Variants in MAD1L1 observed in about 807,000 individuals in gnomAD.
The protein encoded by MAD1L1 is mitotic spindle assembly checkpoint protein MAD1.
MAD1L1 carries 95 observed loss-of-function variants against 96.9 expected under a neutral mutation model. The ratio of observed to expected loss-of-function variants is 0.98; its 90% CI spans 0.83 to 1.16. The LOEUF is 1.16. MAD1L1 is among the 50% of genes most tolerant of loss of function. The pLI is 0.00. For synonymous variants in MAD1L1, 473 were observed against 396.6 expected (o/e 1.19, Z -2.29); for missense variants, 1,007 against 954.4 (o/e 1.06, Z -0.73).
At chr7:2,223,841 C>G (rs992617838) in intron 4 of MAD1L1, among the ~76,000 whole-genome samples, 1 of 78,256 alleles carries the variant, frequency 1.3e-5, no homozygotes, top group Non-Finnish European at 2.4e-5. Context: ...ACACTTAAGT[C>G]TCGCCCCTAA....
chr7:2,088,159 T>C lies in MAD1L1; in HGVS notation c.1074-18821A>G, dbSNP rs1201381514. ...GTGGAAATATGGGGGCCCACGTGCA[T>C]GGCCACAGAACAGTGGACGAGGTCG... On this transcript the variant is annotated intron_variant, in intron 11 of 18. Transcript: ENST00000265854. This position sits in a 1 kb window ranked among gnomAD's most constrained non-coding sequence, Gnocchi z 4.4. 6.6e-6 allele frequency among the ~76,000 whole-genome samples: 1 copy of C among 152,156 alleles called. No homozygotes were observed. Among genetic ancestry groups the C allele is most frequent in the Non-Finnish European group, 1.5e-5 (1 of 68,026 alleles).
intron 18 of MAD1L1, among the ~76,000 whole-genome samples, chr7:1,824,335 G>A (rs1367767348): frequency 7.4e-6 from 1 of 134,240 alleles, no homozygotes; most frequent in Non-Finnish European, 1.7e-5. Context: ...GCGTGACCCT[G>A]GGCACACCGA....
chr7:2,060,189 C>A (rs560396019), intron 12 of MAD1L1, among the ~76,000 whole-genome samples: 1 of 143,094 alleles, frequency 7.0e-6, no homozygotes, highest in African/African-American at 2.7e-5. Context: ...CGAGATACAC[C>A]GATGCCAAGA....
intron 15 of MAD1L1, among the ~76,000 whole-genome samples, chr7:1,974,930 G>A (rs934256039): frequency 1.3e-5 from 2 of 152,240 alleles, no homozygotes; most frequent in Non-Finnish European, 2.9e-5. Flanking sequence ...CAGGCAGGCA[G>A]GGCCCTGAGG....
chr7:2,048,692 A>G (rs1181336318), intron 12 of MAD1L1, among the ~76,000 whole-genome samples: 1 of 152,262 alleles, frequency 6.6e-6, no homozygotes, highest in Non-Finnish European at 1.5e-5. Flanking sequence ...ACCTCCTCCA[A>G]GACGAATGCA....
chr7:1,957,951 C>A (rs562638569), intron 15 of MAD1L1, among the ~76,000 whole-genome samples: 1 of 152,292 alleles, frequency 6.6e-6, no homozygotes, highest in South Asian at 2.1e-4. Flanking sequence ...GCTGGAGGAG[C>A]CTGTGCGGAG....
intron 18 of MAD1L1, among the ~76,000 whole-genome samples, chr7:1,861,139 C>T (rs1018609424): frequency 6.6e-6 from 1 of 152,174 alleles, no homozygotes. Context: ...CATATTCAAA[C>T]CACAACCACC....
chr7:1,839,741 C>G (rs907822763), intron 18 of MAD1L1, among the ~76,000 whole-genome samples: 63 of 152,096 alleles, frequency 4.1e-4, no homozygotes, highest in Admixed American at 2.0e-3. Context: ...ACATCCCCCC[C>G]GCCTCCCCCC....
intron 18 of MAD1L1, among the ~76,000 whole-genome samples, chr7:1,888,759 A>ATG (rs150222994): frequency 2.7e-5 from 4 of 150,780 alleles, no homozygotes; most frequent in African/African-American, 4.9e-5. Flanking sequence ...GTGAGCATGC[A>ATG]TGTGTGTGTG....
At chr7:2,066,886 G>A (rs906767944) in intron 12 of MAD1L1, among the ~76,000 whole-genome samples, 1 of 152,234 alleles carries the variant, frequency 6.6e-6, no homozygotes, top group African/African-American at 2.4e-5. Flanking sequence ...GACCTGTCAA[G>A]GGAACTCTGC....
Position 2,191,930 on chromosome 7 carries a change from C to T in MAD1L1, c.986+21282G>A, listed in dbSNP as rs187737880. 1.0e-3 allele frequency among the ~76,000 whole-genome samples: 154 copies of T among 151,776 alleles called. 1 individual carries two copies. The highest frequency in any genetic ancestry group is 3.3e-3 in the African/African-American group (138 of 41,352). On this transcript the variant is annotated intron_variant, in intron 10 of 18. Transcript: ENST00000265854. ...CCTGTAATCTCAGCTACTCGGGAGG[C>T]TGAGGCGGAAGAATTGCTTGAACCC...
At chr7:2,108,417 T>G (rs1251100493) in intron 11 of MAD1L1, among the ~76,000 whole-genome samples, 1 of 152,264 alleles carries the variant, frequency 6.6e-6, no homozygotes. Context: ...CTTTTTTAGT[T>G]TAAAACTTTA....
Position 2,138,545 on chromosome 7 carries a change from C to T in MAD1L1, c.1073+10607G>A, listed in dbSNP as rs535342325. 3.3e-5 allele frequency among the ~76,000 whole-genome samples: 5 copies of T among 152,330 alleles called. No homozygotes were observed. The South Asian group carries it at 8.3e-4, about 25-fold the overall frequency. On this transcript the variant is annotated intron_variant, in intron 11 of 18. Coordinates refer to ENST00000265854, the MANE Select transcript of MAD1L1 (RefSeq NM_001013836.2). ...GGGGATTGGGGGCATGAATGCCAGACGCACACTTCCGGCTTGTTAGGAGAA... is the reference window on the plus strand; with the variant it reads ...GGGGATTGGGGGCATGAATGCCAGATGCACACTTCCGGCTTGTTAGGAGAA...
At chr7:1,943,589 G>A (rs150695437) in intron 16 of MAD1L1, among the ~76,000 whole-genome samples, 1 of 152,234 alleles carries the variant, frequency 6.6e-6, no homozygotes, top group Non-Finnish European at 1.5e-5. Flanking sequence ...GCGCCCCCAG[G>A]ACGGCTGGGA....
At chr7:1,873,685 T>C (rs1005901189) in intron 18 of MAD1L1, among the ~76,000 whole-genome samples, 4 of 151,912 alleles carry the variant, frequency 2.6e-5, no homozygotes, top group African/African-American at 7.3e-5. Context: ...CCGACCACCA[T>C]GGGGGAGTGG....
intron 11 of MAD1L1, among the ~76,000 whole-genome samples, chr7:2,093,477 G>A (rs562692705): frequency 2.6e-5 from 4 of 152,192 alleles, no homozygotes; most frequent in Non-Finnish European, 5.9e-5. Context: ...CTTTCCCTGG[G>A]AAGAGGGACG....
chr7:1,815,979 A>G lies in MAD1L1; in HGVS notation c.*91T>C. On this transcript the variant is annotated 3_prime_UTR_variant, in exon 19 of 19. Transcript: ENST00000265854. ...TGCTGCCCTGTGGGGCTGGAGAGGC[A>G]GGACGTGCACCCAGCCTGTGGCTGG... 7.2e-7 allele frequency: 1 copy of G among 1,390,206 alleles called. No individual in the cohort carries two copies. Among genetic ancestry groups the G allele is most frequent in the South Asian group, 1.4e-5 (1 of 71,696 alleles). The allele number at this position is 1,390,206 out of a possible 1,614,324, so 86.1% of individuals were successfully genotyped here.
intron 12 of MAD1L1, among the ~76,000 whole-genome samples, chr7:2,023,114 A>C (rs1782855571): frequency 6.6e-6 from 1 of 152,226 alleles, no homozygotes; most frequent in Non-Finnish European, 1.5e-5. Context: ...CCCTCTTATC[A>C]GAAACGGACA....
chr7:2,209,685 C>T (rs991228845), intron 10 of MAD1L1, among the ~76,000 whole-genome samples: 27 of 152,328 alleles, frequency 1.8e-4, no homozygotes, highest in East Asian at 5.8e-4. Context: ...TCCACACCCA[C>T]GGGGCCTCGG....
Sources: gnomAD v4.1 joint callset for allele counts (sites outside exome capture counted in the v4.1 genomes callset) on GRCh38, gnomAD v4.1.1 for gene constraint, Gnocchi (gnomAD v3.1) non-coding constraint, MANE v1.5 for transcripts, NCBI Gene and HGNC (gene_info 2026-07-23, HGNC 2026-07-21) for gene names.